Variants in PLIN1 observed in about 807,000 individuals in gnomAD.
PLIN1 encodes the protein perilipin-1.
Under a neutral mutation model 45.8 loss-of-function variants are expected in PLIN1, and 37 were observed. The ratio of observed to expected loss-of-function variants is 0.81; its 90% CI spans 0.62 to 1.06. The LOEUF (loss-of-function observed/expected upper bound fraction) is 1.06, where lower values mean the gene tolerates loss of function less well. PLIN1 is among the 50% of genes least tolerant of loss of function. PLIN1 has a pLI of 0.00. For synonymous variants in PLIN1, 340 were observed against 309.2 expected (o/e 1.10, Z -1.05); for missense variants, 776 against 716.5 (o/e 1.08, Z -0.95).
In PLIN1 at chr15:89,670,108, G is replaced by A. The variant is rs1486075012; in HGVS notation, c.470C>T (p.Ala157Val). The A allele has an allele frequency of 6.2e-7, 1 of 1,614,200 alleles. No homozygotes were observed. Among genetic ancestry groups the A allele is most frequent in the Admixed American group, 1.7e-5 (1 of 60,032 alleles). ...LAGCELAWGV[A>V]RDTAEFAANT... ...GGCAGCAAATTCCGCAGTGTCTCTG[G>A]CCACCCCCCAGGCAAGCTCGCACCC... Residue 157 changes from alanine (A) to valine (V), a missense_variant, in exon 5 of 9, where the codon GCC becomes GTC. By Grantham distance (64) the Ala-to-Val change is moderately conservative. Coordinates refer to ENST00000300055, the MANE Select transcript of PLIN1 (RefSeq NM_002666.5).
chr15:89,670,142 C>T lies in PLIN1; in HGVS notation c.436G>A (p.Ala146Thr), dbSNP rs1330301682. ...ASTSDKVLGA[A>T]LAGCELAWGV... is the part of the protein sequence containing the mutation. ...CAGGCAAGCTCGCACCCGGCCAAAGCGGCCCCCAGGACCTTGTCTGAAGTG... is the reference window on the plus strand; with the variant it reads ...CAGGCAAGCTCGCACCCGGCCAAAGTGGCCCCCAGGACCTTGTCTGAAGTG... Residue 146 changes from alanine (A) to threonine (T), a missense_variant, in exon 5 of 9, where the codon GCT (alanine) becomes ACT (threonine). Ala to Thr is a moderately conservative substitution (Grantham distance 58, BLOSUM62 0). Coordinates refer to ENST00000300055, the MANE Select transcript of PLIN1 (RefSeq NM_002666.5). 5.0e-6 allele frequency: 8 copies of T among 1,614,164 alleles called. No homozygotes were observed. Among genetic ancestry groups the T allele is most frequent in the Non-Finnish European group, 5.9e-6 (7 of 1,180,010 alleles).
chr15:89,665,568 G>A lies in PLIN1; in HGVS notation c.*15C>T, dbSNP rs1181495242. The stretch of plus-strand genomic sequence containing the variant: ...GAAACCCGCCGGCCCGGGGCGCGGC[G>A]GCTGGTGCGGCGACTCAGCTCTTCT... On this transcript the variant is annotated 3_prime_UTR_variant, in exon 9 of 9. Coordinates refer to ENST00000300055, the MANE Select transcript of PLIN1 (RefSeq NM_002666.5). 1.3e-6 allele frequency: 2 copies of A among 1,524,738 alleles called. No homozygotes were observed. Among genetic ancestry groups the A allele is most frequent in the African/African-American group, 1.4e-5 (1 of 71,834 alleles). 94.5% of individuals were successfully genotyped at this position (1,524,738 alleles called of 1,614,324 possible).
rs1361244903 is a variant in PLIN1, at chr15:89,665,859, C to T, written c.1293G>A (p.Ala431=). 2.0e-6 allele frequency: 3 copies of T among 1,496,186 alleles called. No homozygotes were observed. The highest frequency in any genetic ancestry group is 2.7e-5 in the East Asian group (1 of 36,498). 92.7% of individuals were successfully genotyped at this position (1,496,186 alleles called of 1,614,324 possible). A position where few individuals can be genotyped will look rare whatever the true frequency, so the allele number is the denominator to read the frequency against. ...NPPAEVERRE[A]ERRASGAPSA... is the part of the protein sequence containing the mutation. The stretch of plus-strand genomic sequence containing the variant: ...ACGGCGCCCCAGACGCTCTGCGCTC[C>T]GCCTCCCGGCGCTCGACCTCGGCTG... Residue 431 remains alanine, a synonymous_variant, in exon 9 of 9, where the codon GCG becomes GCA. Transcript: ENST00000300055.
intron 1 of PLIN1, among the ~76,000 whole-genome samples, chr15:89,678,331 G>A (rs1368065697): frequency 6.6e-6 from 1 of 151,706 alleles, no homozygotes; most frequent in Non-Finnish European, 1.5e-5. Flanking sequence ...GCAACATGGT[G>A]AAACTCCGTC....
chr15:89,666,037 C>G, intron 8 of PLIN1, 95 bp from the exon 9 acceptor site: 1 of 977,876 alleles, frequency 1.0e-6, no homozygotes, highest in Non-Finnish European at 1.4e-6. Flanking sequence ...ATTGTTCCCC[C>G]GGGAGCGGCC....
At chr15:89,670,290 C>G in intron 4 of PLIN1, 46 bp from the exon 5 acceptor site, 1 of 1,581,660 alleles carries the variant, frequency 6.3e-7, no homozygotes. Flanking sequence ...CTTGCAGGCC[C>G]TACAAGGGCT....
rs753027178 is a variant in PLIN1 at position 89,665,867 on chromosome 15, G to T, written c.1285C>A (p.Arg429=). Residue 429 remains arginine, a synonymous_variant, in exon 9 of 9, where the codon CGG becomes AGG. Coordinates refer to ENST00000300055, the MANE Select transcript of PLIN1 (RefSeq NM_002666.5). ...CCAGACGCTCTGCGCTCCGCCTCCC[G>T]GCGCTCGACCTCGGCTGGTGGGTTG... ...IDNPPAEVER[R]EAERRASGAP... is the part of the protein sequence containing the mutation. 2 of 1,503,918 alleles carry T rather than the reference G, an allele frequency of 1.3e-6. No homozygotes were observed. Among genetic ancestry groups the T allele is most frequent in the African/African-American group, 1.4e-5 (1 of 69,834 alleles). 93.2% of individuals were successfully genotyped at this position (1,503,918 alleles called of 1,614,324 possible).
At chr15:89,666,390 G>A (rs900094159) in intron 8 of PLIN1, among the ~76,000 whole-genome samples, 20 of 152,158 alleles carry the variant, frequency 1.3e-4, no homozygotes, top group Non-Finnish European at 1.5e-5. Context: ...CTCTAAGGGT[G>A]CTTTCTGCCC....
chr15:89,669,405 G>T, intron 6 of PLIN1, 95 bp downstream of exon 6: 2 of 1,064,512 alleles, frequency 1.9e-6, no homozygotes, highest in Non-Finnish European at 1.4e-6. Context: ...ATGTTCTCAG[G>T]ACAGGAAGGG....
At position 89,673,201 on chromosome 15, in the gene PLIN1, A is replaced by G. The variant is rs1214240714; in HGVS notation, c.250+9T>C. 6.4e-7 allele frequency: 1 copy of G among 1,554,828 alleles called. No individual in the cohort carries two copies. Among genetic ancestry groups the G allele is most frequent in the Non-Finnish European group, 8.7e-7 (1 of 1,148,588 alleles). On this transcript the variant is annotated intron_variant, in intron 3 of 8. Coordinates refer to ENST00000300055, the MANE Select transcript of PLIN1 (RefSeq NM_002666.5). ...AAGCAGGCAGCTGCTGAGCGCCGCAAGGACTCACACTGGGTGGACAGCCTG... is the reference window on the plus strand; with the variant it reads ...AAGCAGGCAGCTGCTGAGCGCCGCAGGGACTCACACTGGGTGGACAGCCTG...
At position 89,665,903 on chromosome 15, in the gene PLIN1, G is replaced by GAAA; in HGVS notation, c.1248_1249insTTT (p.Phe416dup). ...TCGGCTGGTGGGTTGTCGATGTCCC[G>GAAA]GAATTCGCTCTCGGGCTCCATCAGC... On this transcript the variant is annotated inframe_insertion, in exon 9 of 9. Coordinates refer to ENST00000300055, the MANE Select transcript of PLIN1 (RefSeq NM_002666.5). 1 of 1,535,776 alleles carries GAAA rather than the reference G, an allele frequency of 6.5e-7. No homozygotes were observed. The highest frequency in any genetic ancestry group is 8.7e-7 in the Non-Finnish European group (1 of 1,150,428).
intron 2 of PLIN1, among the ~76,000 whole-genome samples, chr15:89,675,488 T>A (rs1010409861): frequency 2.0e-5 from 3 of 147,574 alleles, no homozygotes; most frequent in Admixed American, 2.0e-4. Flanking sequence ...GACTACACAG[T>A]CCCAGCTGCT....
At chr15:89,676,300 T>C (rs768319037) in intron 2 of PLIN1, among the ~76,000 whole-genome samples, 2 of 152,162 alleles carry the variant, frequency 1.3e-5, no homozygotes, top group Non-Finnish European at 2.9e-5. Context: ...CAGGCTGGAG[T>C]GCAGTGGCGC....
Position 89,669,582 on chromosome 15 carries a change from G to A in PLIN1, c.689C>T (p.Ser230Phe). Residue 230 changes from serine to phenylalanine, a missense_variant, in exon 6 of 9, where the codon TCT becomes TTT. Ser to Phe is a radical substitution (Grantham distance 155). Coordinates refer to ENST00000300055, the MANE Select transcript of PLIN1 (RefSeq NM_002666.5). ...SRVGALTNTL[S>F]RYTVQTMARA... Reference sequence around the variant, plus strand: ...GGCCATGGTCTGCACGGTGTATCGAGAGAGGGTGTTGGTCAGAGCCCCAAC... The same window carrying A: ...GGCCATGGTCTGCACGGTGTATCGAAAGAGGGTGTTGGTCAGAGCCCCAAC... 6.2e-7 allele frequency: 1 copy of A among 1,614,098 alleles called. No homozygotes were observed. The highest frequency in any genetic ancestry group is 8.5e-7 in the Non-Finnish European group (1 of 1,179,988).
intron 6 of PLIN1, among the ~76,000 whole-genome samples, chr15:89,668,372 A>C (rs1964386797): frequency 6.6e-6 from 1 of 152,124 alleles, no homozygotes; most frequent in African/African-American, 2.4e-5. Flanking sequence ...GATATTGCTG[A>C]TCTGAGCATT....
intron 6 of PLIN1, 82 bp downstream of exon 6, chr15:89,669,418 G>T: frequency 8.7e-7 from 1 of 1,143,380 alleles, no homozygotes; most frequent in Non-Finnish European, 1.3e-6. Flanking sequence ...AGGAAGGGGT[G>T]ATGGGTGGGG....
chr15:89,668,240 G>C (rs1433824694), intron 6 of PLIN1, among the ~76,000 whole-genome samples: 1 of 152,216 alleles, frequency 6.6e-6, no homozygotes, highest in Non-Finnish European at 1.5e-5. Context: ...CACCCATGTT[G>C]CTGCAAATGG....
chr15:89,667,271 A>G (rs1373274083), intron 7 of PLIN1, 90 bp from the exon 8 acceptor site: 2 of 1,552,166 alleles, frequency 1.3e-6, no homozygotes, highest in East Asian at 4.5e-5. Flanking sequence ...GGAAAGCATG[A>G]GAATACCAAA....
Position 89,669,672 on chromosome 15 carries a change from G to A in PLIN1, c.599C>T (p.Ala200Val). The A allele has an allele frequency of 6.2e-7, 1 of 1,613,802 alleles. No individual in the cohort carries two copies. The highest frequency in any genetic ancestry group is 1.3e-5 in the African/African-American group (1 of 75,046). Residue 200 changes from alanine to valine, a missense_variant and splice_region_variant, in exon 6 of 9, where the codon GCC (alanine) becomes GTC (valine). By Grantham distance (64) the Ala-to-Val change is moderately conservative (BLOSUM62 0). Coordinates refer to ENST00000300055, the MANE Select transcript of PLIN1 (RefSeq NM_002666.5). ...YLLPPDKEESAPAPGHQQAQK... is the reference protein window; with the variant it reads ...YLLPPDKEESVPAPGHQQAQK... ...GGCTTGCTGGTGTCCAGGAGCAGGG[G>A]CTGGGTAGGGATTTGGGGGGAAAGA... is the stretch of plus-strand genomic sequence containing the variant.
Sources: gnomAD v4.1 joint callset for allele counts (sites outside exome capture counted in the v4.1 genomes callset) on GRCh38, gnomAD v4.1.1 for gene constraint, MANE v1.5 for transcripts, NCBI Gene and HGNC (gene_info 2026-07-23, HGNC 2026-07-21) for gene names.